Variants in PCDH9 observed in about 807,000 individuals in gnomAD.
PCDH9 encodes protocadherin-9.
In PCDH9, 24 loss-of-function variants were observed where a neutral mutation model predicts 70.6. The observed-to-expected ratio is 0.34, with a 90% CI of 0.25 to 0.48. The LOEUF is 0.48. Ranked by LOEUF, PCDH9 falls within the 20% of genes least tolerant of loss-of-function variation. The pLI is 0.99. For missense variants in PCDH9, 1,281 were observed against 1,503.6 expected (o/e 0.85, Z 2.45); for synonymous variants, 562 against 558.5 (o/e 1.01, Z -0.09).
intron 2 of PCDH9, among the ~76,000 whole-genome samples, chr13:66,988,833 A>C (rs1356649959): frequency 2.0e-5 from 3 of 151,994 alleles, no homozygotes; most frequent in Non-Finnish European, 4.4e-5. Context: ...TTAAACTAAG[A>C]GGTCTTGCTA....
chr13:67,218,562 T>C (rs2089657874), intron 2 of PCDH9: 1 of 152,048 alleles, frequency 6.6e-6, no homozygotes, highest in Non-Finnish European at 1.5e-5. Flanking sequence ...AGCAGTGTAA[T>C]ACTCAAATGC....
At chr13:66,776,699 A>G (rs567272190) in intron 3 of PCDH9, among the ~76,000 whole-genome samples, 1 of 152,184 alleles carries the variant, frequency 6.6e-6, no homozygotes, top group African/African-American at 2.4e-5. Flanking sequence ...AAATGGCCAT[A>G]CTGCCCAAGG....
Position 66,678,590 on chromosome 13 carries a change from T to C in PCDH9, c.3139-47179A>G, listed in dbSNP as rs200357188. 2.0e-5 allele frequency among the ~76,000 whole-genome samples: 3 copies of C among 152,174 alleles called. No individual in the cohort carries two copies. In the East Asian group the frequency reaches 5.8e-4, roughly 29 times the overall value. Reference sequence around the variant, plus strand: ...TGAGTAACTAAATAATGGTTGATACTTATGTAATAATTTTGGGGGACCAGG... The same window carrying C: ...TGAGTAACTAAATAATGGTTGATACCTATGTAATAATTTTGGGGGACCAGG... On this transcript the variant is annotated intron_variant, in intron 3 of 4. Coordinates refer to ENST00000377865, the MANE Select transcript of PCDH9 (RefSeq NM_203487.3).
chr13:67,096,507 A>G (rs2086323602), intron 2 of PCDH9, among the ~76,000 whole-genome samples: 1 of 152,218 alleles, frequency 6.6e-6, no homozygotes, highest in African/African-American at 2.4e-5. Context: ...TCTCAGCAAC[A>G]CAACAAAAAT....
At chr13:66,828,004 C>T (rs2080855259) in intron 3 of PCDH9, among the ~76,000 whole-genome samples, 1 of 152,096 alleles carries the variant, frequency 6.6e-6, no homozygotes, top group South Asian at 2.1e-4. Context: ...AAATAGATCG[C>T]ATCTTCTCTC....
chr13:66,407,669 A>G (rs1487022671), intron 4 of PCDH9, among the ~76,000 whole-genome samples: 1 of 152,202 alleles, frequency 6.6e-6, no homozygotes, highest in Non-Finnish European at 1.5e-5. Flanking sequence ...AAATATTAGA[A>G]GCGATCTACA....
chr13:66,667,182 T>A (rs970366210), intron 3 of PCDH9, among the ~76,000 whole-genome samples: 2 of 152,022 alleles, frequency 1.3e-5, no homozygotes, highest in African/African-American at 4.8e-5. Context: ...TGCCTGATAG[T>A]CCCTGGTTTG....
chr13:66,997,990 C>A (rs909916189), intron 2 of PCDH9, among the ~76,000 whole-genome samples: 1 of 152,146 alleles, frequency 6.6e-6, no homozygotes, highest in African/African-American at 2.4e-5. Flanking sequence ...TTGTTTAATT[C>A]TCTTAGCACT....
intron 4 of PCDH9, among the ~76,000 whole-genome samples, chr13:66,445,599 T>C (rs1958067587): frequency 7.0e-6 from 1 of 143,564 alleles, no homozygotes; most frequent in South Asian, 2.1e-4. Context: ...ATATATTATA[T>C]ACACATATAT....
chr13:66,564,723 T>C (rs1429062196), intron 4 of PCDH9, among the ~76,000 whole-genome samples: 4 of 152,164 alleles, frequency 2.6e-5, no homozygotes, highest in African/African-American at 9.7e-5. Context: ...GTTGCTGAAA[T>C]TCTAACACAT....
chr13:67,168,619 T>C (rs1405961679), intron 2 of PCDH9, among the ~76,000 whole-genome samples: 6 of 151,938 alleles, frequency 3.9e-5, no homozygotes, highest in Middle Eastern at 3.4e-3. Context: ...TGTTCCAAGC[T>C]ACTCAAGAGG....
chr13:67,078,591 C>T (rs2085924206), intron 2 of PCDH9, among the ~76,000 whole-genome samples: 1 of 152,110 alleles, frequency 6.6e-6, no homozygotes, highest in Non-Finnish European at 1.5e-5. Context: ...ATGGTAAGCT[C>T]AAATCCCAAA....
chr13:66,776,792 A>G (rs1444612109), intron 3 of PCDH9, among the ~76,000 whole-genome samples: 3 of 147,146 alleles, frequency 2.0e-5, no homozygotes, highest in Non-Finnish European at 4.5e-5. Flanking sequence ...TAAAGTTCAT[A>G]TGGAACCAAA....
In PCDH9 at chr13:66,671,312, T is replaced by TG. The variant is rs371289164; in HGVS notation, c.3139-39902dup. 2.2e-3 allele frequency among the ~76,000 whole-genome samples: 340 copies of TG among 152,168 alleles called. 1 individual carries two copies. The highest frequency in any genetic ancestry group is 8.0e-3 in the African/African-American group (334 of 41,516). The stretch of plus-strand genomic sequence containing the variant: ...GGAATAATACAGTAATTTGGTAGAG[T>TG]GGGGTACTGCTATGAGGATACCTGA... On this transcript the variant is annotated intron_variant, in intron 3 of 4. Coordinates refer to ENST00000377865, the MANE Select transcript of PCDH9 (RefSeq NM_203487.3).
chr13:66,418,694 C>G (rs1347942573), intron 4 of PCDH9, among the ~76,000 whole-genome samples: 4 of 151,724 alleles, frequency 2.6e-5, no homozygotes. Flanking sequence ...GAAGCAAAAG[C>G]AAACAAATTC....
rs548967587 is a variant in PCDH9, at chr13:66,749,425, G to A, written c.3139-118014C>T. 3.9e-5 allele frequency among the ~76,000 whole-genome samples: 6 copies of A among 152,168 alleles called. No individual in the cohort carries two copies. The South Asian group carries it at 1.2e-3, about 32-fold the overall frequency. ...ATCATTTATGAAATGCTTAACATGT[G>A]CCAGGCAATTATCTTCTTTTCCTCA... On this transcript the variant is annotated intron_variant, in intron 3 of 4. Transcript: ENST00000377865.
At chr13:66,771,626 C>T (rs1031935920) in intron 3 of PCDH9, among the ~76,000 whole-genome samples, 3 of 152,130 alleles carry the variant, frequency 2.0e-5, no homozygotes, top group Non-Finnish European at 4.4e-5. Flanking sequence ...AATCGACCTG[C>T]GGTGAGGTAA....
intron 2 of PCDH9, among the ~76,000 whole-genome samples, chr13:67,127,326 T>C (rs371956944): frequency 2.0e-5 from 3 of 152,166 alleles, no homozygotes; most frequent in Non-Finnish European, 2.9e-5. Flanking sequence ...TGTCTGTACA[T>C]AGCGGTCCAG....
intron 3 of PCDH9, among the ~76,000 whole-genome samples, chr13:66,632,982 G>C (rs574207534): frequency 6.6e-6 from 1 of 152,074 alleles, no homozygotes; most frequent in South Asian, 2.1e-4. Flanking sequence ...AAGGATTGCG[G>C]TTAGAAACAA....
Sources: gnomAD v4.1 joint callset for allele counts (sites outside exome capture counted in the v4.1 genomes callset) on GRCh38, gnomAD v4.1.1 for gene constraint, MANE v1.5 for transcripts, NCBI Gene and HGNC (gene_info 2026-07-23, HGNC 2026-07-21) for gene names.